The following TCF12 variants were observed in gnomAD, a reference collection of about 807,000 sequenced individuals.
The protein encoded by TCF12 is DNA-binding protein HTF4.
Under a neutral mutation model 86.0 loss-of-function variants are expected in TCF12, and 45 were observed. The ratio of observed to expected loss-of-function variants is 0.52; its 90% CI spans 0.41 to 0.67. The LOEUF (loss-of-function observed/expected upper bound fraction) is 0.67. TCF12 is among the 30% of genes least tolerant of loss of function. The probability of loss-of-function intolerance (pLI) is 0.00; values close to 1 mark genes in which losing one functional copy is unlikely to be tolerated. For synonymous variants in TCF12, 330 were observed against 299.6 expected (o/e 1.10, Z -1.05); for missense variants, 881 against 859.9 (o/e 1.02, Z -0.31).
chr15:57,110,893 AG>A (rs1321905284), intron 5 of TCF12, among the ~76,000 whole-genome samples: 2 of 152,148 alleles, frequency 1.3e-5, no homozygotes, highest in African/African-American at 2.4e-5. Context: ...TTATGCAAAA[AG>A]GGGGGAAAAT....
At chr15:57,071,185 T>C (rs2069342779) in intron 4 of TCF12, among the ~76,000 whole-genome samples, 1 of 151,512 alleles carries the variant, frequency 6.6e-6, no homozygotes, top group African/African-American at 2.4e-5. Flanking sequence ...AATGGGAGGA[T>C]TGCTTGAGCC....
chr15:56,977,950 C>T lies in TCF12; in HGVS notation c.148+56852C>T, dbSNP rs1314349875. Among the ~76,000 whole-genome samples, 12 of 152,068 alleles carry T rather than the reference C, an allele frequency of 7.9e-5. 1 individual carries two copies. Among genetic ancestry groups the T allele is most frequent in the Admixed American group, 7.9e-4 (12 of 15,270 alleles). ...TGCATTTCTAACAGGTTCATATGATCTGATGCTACTGGTTGCGGGACCACT... is the reference window on the plus strand; with the variant it reads ...TGCATTTCTAACAGGTTCATATGATTTGATGCTACTGGTTGCGGGACCACT... On this transcript the variant is annotated intron_variant, in intron 3 of 20. Transcript: ENST00000333725.
intron 3 of TCF12, among the ~76,000 whole-genome samples, chr15:56,999,193 A>T (rs1167931800): frequency 2.0e-5 from 3 of 150,698 alleles, no homozygotes; most frequent in Admixed American, 1.3e-4. Context: ...GTGAGACTCC[A>T]TCTCAAAAAA....
intron 5 of TCF12, among the ~76,000 whole-genome samples, chr15:57,100,847 A>T (rs952512386): frequency 6.6e-6 from 1 of 152,184 alleles, no homozygotes; most frequent in Non-Finnish European, 1.5e-5. Flanking sequence ...TTTTTTAAAA[A>T]AATTTGAAAG....
intron 5 of TCF12, among the ~76,000 whole-genome samples, chr15:57,137,853 C>G (rs2052667017): frequency 6.6e-6 from 1 of 151,970 alleles, no homozygotes; most frequent in Non-Finnish European, 1.5e-5. Context: ...CTGGTGAAAC[C>G]CTGTCTCTAC....
intron 5 of TCF12, among the ~76,000 whole-genome samples, chr15:57,121,382 G>A (rs911640235): frequency 2.0e-5 from 3 of 152,202 alleles, no homozygotes; most frequent in Non-Finnish European, 4.4e-5. Flanking sequence ...TGGTTTGAAT[G>A]ATGGTATCTG....
intron 8 of TCF12, among the ~76,000 whole-genome samples, chr15:57,216,374 TA>T (rs2058330420): frequency 1.3e-5 from 2 of 152,044 alleles, no homozygotes; most frequent in Non-Finnish European, 2.9e-5. Context: ...TCAGATCACA[TA>T]ATCTTAGAGT....
intron 8 of TCF12, chr15:57,219,249 T>C: frequency 8.6e-7 from 1 of 1,159,952 alleles, no homozygotes; most frequent in Non-Finnish European, 1.1e-6. Flanking sequence ...CGCTTAAAAG[T>C]GACTTGCATT....
intron 3 of TCF12, among the ~76,000 whole-genome samples, chr15:56,969,928 C>T (rs75350341): frequency 0.04 from 6,143 of 152,208 alleles, 371 homozygotes; most frequent in Admixed American, 0.17. Context: ...AAGGCATATC[C>T]AGACATATAG....
At chr15:57,195,825 A>G (rs2057235130) in intron 7 of TCF12, among the ~76,000 whole-genome samples, 1 of 152,160 alleles carries the variant, frequency 6.6e-6, no homozygotes. Flanking sequence ...CAACATAGTG[A>G]AACACCTCTC....
intron 7 of TCF12, among the ~76,000 whole-genome samples, chr15:57,194,224 G>T (rs758423974): frequency 1.3e-5 from 2 of 151,444 alleles, no homozygotes; most frequent in Non-Finnish European, 3.0e-5. Context: ...TTTTAATTTT[G>T]ATTATGATGA....
Position 57,148,074 on chromosome 15 carries a change from C to T in TCF12, c.326-18328C>T, listed in dbSNP as rs528915226. 1.1e-3 allele frequency among the ~76,000 whole-genome samples: 173 copies of T among 151,724 alleles called. 1 individual carries two copies. The highest frequency in any genetic ancestry group is 4.0e-3 in the African/African-American group (164 of 41,374). On this transcript the variant is annotated intron_variant, in intron 5 of 20. Coordinates refer to ENST00000333725, the MANE Select transcript of TCF12 (RefSeq NM_207037.2). The stretch of plus-strand genomic sequence containing the variant: ...TTTTTTATTATTATTTGTAGAGACA[C>T]GATCGCACTATGTTGCCCAGGCTGG...
intron 5 of TCF12, among the ~76,000 whole-genome samples, chr15:57,094,595 C>T (rs183500383): frequency 3.8e-4 from 58 of 152,260 alleles, no homozygotes; most frequent in African/African-American, 1.4e-3. Context: ...GGCTGAAAAA[C>T]CTAAATTATT....
chr15:56,955,542 A>G (rs1178048754), intron 3 of TCF12, among the ~76,000 whole-genome samples: 5 of 152,168 alleles, frequency 3.3e-5, no homozygotes, highest in African/African-American at 9.7e-5. Context: ...CCTAGAACCT[A>G]AAGTATAATA....
intron 6 of TCF12, among the ~76,000 whole-genome samples, chr15:57,167,168 G>A (rs2054960638): frequency 1.3e-5 from 2 of 152,200 alleles, no homozygotes; most frequent in Non-Finnish European, 2.9e-5. Flanking sequence ...TAACTGCCAT[G>A]CTAATAATAC....
At chr15:57,156,216 C>T (rs1458182661) in intron 5 of TCF12, among the ~76,000 whole-genome samples, 1 of 152,118 alleles carries the variant, frequency 6.6e-6, no homozygotes, top group African/African-American at 2.4e-5. Flanking sequence ...GTGCAGTGTC[C>T]AAATTAATGT....
chr15:57,191,153 A>C (rs2151704834), intron 6 of TCF12, among the ~76,000 whole-genome samples: 1 of 152,330 alleles, frequency 6.6e-6, no homozygotes, highest in South Asian at 2.1e-4. Context: ...AACCCATGTC[A>C]TGAGACTCAA....
chr15:57,088,275 C>T (rs1346948114), intron 4 of TCF12, among the ~76,000 whole-genome samples: 6 of 152,132 alleles, frequency 3.9e-5, no homozygotes, highest in Admixed American at 6.5e-5. Context: ...CTGTCAGCCC[C>T]GTGAGTGCTC....
chr15:57,159,268 A>G (rs530445854), intron 5 of TCF12, among the ~76,000 whole-genome samples: 6 of 152,390 alleles, frequency 3.9e-5, no homozygotes, highest in East Asian at 3.9e-4. Context: ...AGACGAATCC[A>G]GTAATCAGAA....
Sources: allele counts gnomAD v4.1 joint callset (sites outside exome capture counted in the v4.1 genomes callset), GRCh38; gene constraint gnomAD v4.1.1; transcripts MANE v1.5; gene names NCBI Gene and HGNC (gene_info 2026-07-23, HGNC 2026-07-21).